Variants in SEMA3A observed in about 807,000 individuals in gnomAD.
SEMA3A encodes semaphorin-3A.
A neutral mutation model predicts 97.9 loss-of-function variants in SEMA3A; 29 were observed. The observed-to-expected ratio is 0.30, with a 90% CI of 0.22 to 0.40. The LOEUF is 0.40. SEMA3A is among the 10% of genes least tolerant of loss of function. SEMA3A has a pLI of 1.00. For missense variants in SEMA3A, 763 were observed against 951.3 expected (o/e 0.80, Z 2.60); for synonymous variants, 321 against 323.7 (o/e 0.99, Z 0.09).
At chr7:84,008,490 C>CAAAAAA (rs752729583) in intron 9 of SEMA3A, among the ~76,000 whole-genome samples, 17 of 81,108 alleles carry the variant, frequency 2.1e-4, no homozygotes, top group East Asian at 1.5e-3. Flanking sequence ...GACTCCGTCT[C>CAAAAAA]AAAAAAAAAA....
At chr7:84,455,812 A>T (rs751323149) in intron 1 of SEMA3A, among the ~76,000 whole-genome samples, 1 of 152,006 alleles carries the variant, frequency 6.6e-6, no homozygotes, top group Non-Finnish European at 1.5e-5. Context: ...TTCATTTTAT[A>T]TATGGGAGAG....
intron 3 of SEMA3A, among the ~76,000 whole-genome samples, chr7:84,295,405 G>T (rs938390397): frequency 1.3e-5 from 2 of 151,794 alleles, no homozygotes; most frequent in African/African-American, 4.8e-5. Context: ...TTTTGCTTGG[G>T]GCAAAATTTT....
intron 5 of SEMA3A, among the ~76,000 whole-genome samples, chr7:84,048,482 G>C (rs1792452725): frequency 1.3e-5 from 2 of 151,816 alleles, no homozygotes; most frequent in South Asian, 4.1e-4. Context: ...TAAACATCAG[G>C]TGAAGAGTTT....
intron 3 of SEMA3A, among the ~76,000 whole-genome samples, chr7:84,123,113 A>G (rs1166820345): frequency 6.6e-6 from 1 of 152,182 alleles, no homozygotes; most frequent in Non-Finnish European, 1.5e-5. Flanking sequence ...GGATAAACAA[A>G]GAAGATTCAG....
At chr7:84,001,247 A>G (rs1790436710) in intron 12 of SEMA3A, among the ~76,000 whole-genome samples, 1 of 152,108 alleles carries the variant, frequency 6.6e-6, no homozygotes, top group African/African-American at 2.4e-5. Flanking sequence ...AACAACAGAC[A>G]CATGGTATAT....
chr7:84,215,380 G>C (rs1798725803), intron 3 of SEMA3A, among the ~76,000 whole-genome samples: 2 of 151,266 alleles, frequency 1.3e-5, no homozygotes. Flanking sequence ...TAGAGATGGG[G>C]TTTCACCATA....
chr7:84,363,733 C>T (rs620892), intron 2 of SEMA3A, among the ~76,000 whole-genome samples: 43,545 of 151,690 alleles, frequency 0.29, 6,729 homozygotes, highest in African/African-American at 0.38. Context: ...ATATTGTTAT[C>T]AATTCCAGCT....
chr7:84,051,069 A>C (rs905562318), intron 5 of SEMA3A, among the ~76,000 whole-genome samples: 5 of 151,412 alleles, frequency 3.3e-5, no homozygotes, highest in East Asian at 1.9e-4. Flanking sequence ...ATTGATCTAT[A>C]TCTCTGTTTT....
At chr7:84,077,221 AC>A (rs1286832435) in intron 4 of SEMA3A, among the ~76,000 whole-genome samples, 1 of 152,108 alleles carries the variant, frequency 6.6e-6, no homozygotes, top group Non-Finnish European at 1.5e-5. Flanking sequence ...AAGTAATAGA[AC>A]AATTGACTTG....
intron 1 of SEMA3A, among the ~76,000 whole-genome samples, chr7:84,472,576 A>T: frequency 6.6e-6 from 1 of 152,268 alleles, no homozygotes; most frequent in African/African-American, 2.4e-5. Context: ...CATTTCTATC[A>T]GATACAATGT....
intron 4 of SEMA3A, among the ~76,000 whole-genome samples, chr7:84,102,957 G>GT (rs746643269): frequency 3.2e-4 from 48 of 150,848 alleles, no homozygotes; most frequent in Non-Finnish European, 5.3e-4. Context: ...ATTGTATGGG[G>GT]GTTTTTTTTG....
intron 1 of SEMA3A, among the ~76,000 whole-genome samples, chr7:84,458,795 T>G (rs2706902): frequency 0.18 from 26,778 of 152,076 alleles, 2,493 homozygotes; most frequent in Middle Eastern, 0.23. Flanking sequence ...CAAATATTTA[T>G]TTTTTCTTTG....
chr7:84,155,215 G>A (rs559667255), intron 1 of SEMA3A, among the ~76,000 whole-genome samples: 148 of 152,160 alleles, frequency 9.7e-4, no homozygotes, highest in Middle Eastern at 3.4e-3. Flanking sequence ...TTTTCATGAC[G>A]CAGGATTCTG....
chr7:84,424,550 A>C lies in SEMA3A; in HGVS notation c.-245-52650T>G, dbSNP rs955491829. On this transcript the variant is annotated intron_variant, in intron 1 of 3. Transcript: ENST00000424555. ...ATATATAATATATAAATATTAATAT[A>C]TATTATATATAATATATAAATATTA... 1.7e-3 allele frequency among the ~76,000 whole-genome samples: 150 copies of C among 89,722 alleles called. 1 individual carries two copies. In the East Asian group the frequency reaches 0.03, roughly 18 times the overall value. The allele number at this position is 89,722 out of a possible 152,430, so 58.9% of individuals were successfully genotyped here.
At chr7:84,241,665 C>T (rs1181568557) in intron 3 of SEMA3A, among the ~76,000 whole-genome samples, 1 of 152,120 alleles carries the variant, frequency 6.6e-6, no homozygotes, top group Non-Finnish European at 1.5e-5. Flanking sequence ...GCTATTGTTG[C>T]CATTGCTTTT....
At chr7:84,481,076 G>A (rs747058354) in intron 1 of SEMA3A, among the ~76,000 whole-genome samples, 2 of 152,222 alleles carry the variant, frequency 1.3e-5, no homozygotes, top group South Asian at 2.1e-4. Context: ...TGTGAGGAGA[G>A]AGTGTCAAAG....
At chr7:84,197,119 A>C (rs2116286722), upstream of SEMA3A, among the ~76,000 whole-genome samples, 1 of 152,278 alleles carries the variant, frequency 6.6e-6, no homozygotes, top group East Asian at 1.9e-4. Flanking sequence ...AAGTTATTTC[A>C]TTTCATAAAA....
intron 3 of SEMA3A, among the ~76,000 whole-genome samples, chr7:84,245,506 T>C (rs1274942586): frequency 6.6e-6 from 1 of 151,880 alleles, no homozygotes; most frequent in East Asian, 2.0e-4. Flanking sequence ...TTTTTTCAAG[T>C]TTCTTAGCTT....
chr7:84,421,749 G>A (rs1158949885), intron 1 of SEMA3A, among the ~76,000 whole-genome samples: 2 of 152,002 alleles, frequency 1.3e-5, no homozygotes, highest in Non-Finnish European at 2.9e-5. Context: ...TTTATCGAAG[G>A]CCTTTTCTGC....
Sources: gnomAD v4.1 joint callset for allele counts (sites outside exome capture counted in the v4.1 genomes callset) on GRCh38, gnomAD v4.1.1 for gene constraint, MANE v1.5 for transcripts, NCBI Gene and HGNC (gene_info 2026-07-23, HGNC 2026-07-21) for gene names.